Variants in POLR1C observed in about 807,000 individuals in gnomAD.
The protein encoded by POLR1C is DNA-directed RNA polymerases I and III subunit RPAC1.
Under a neutral mutation model 38.3 loss-of-function variants are expected in POLR1C, and 42 were observed. The ratio of observed to expected loss-of-function variants is 1.10; its 90% CI spans 0.86 to 1.42. The LOEUF (loss-of-function observed/expected upper bound fraction) is 1.42. Ranked by LOEUF, POLR1C falls within the 40% of genes most tolerant of loss-of-function variation. The probability of loss-of-function intolerance (pLI) is 0.00; values close to 1 mark genes in which losing one functional copy is unlikely to be tolerated. For synonymous variants in POLR1C, 163 were observed against 163.9 expected (o/e 0.99, Z 0.04); for missense variants, 507 against 450.5 (o/e 1.13, Z -1.14).
intron 10 of POLR1C, among the ~76,000 whole-genome samples, chr6:43,557,251 C>T (rs767980447): frequency 2.0e-5 from 3 of 151,754 alleles, no homozygotes; most frequent in Non-Finnish European, 4.4e-5. Context: ...ACAGTGAAAC[C>T]CTGTCTCTAC....
At chr6:43,549,653 A>C in intron 9 of POLR1C, 1 of 1,512,842 alleles carries the variant, frequency 6.6e-7, no homozygotes, top group South Asian at 1.2e-5. Flanking sequence ...TCATGTGAAT[A>C]TCTCAGTCAG....
chr6:43,522,106 C>T (rs1005554775), downstream of POLR1C, among the ~76,000 whole-genome samples: 1 of 152,038 alleles, frequency 6.6e-6, no homozygotes, highest in African/African-American at 2.4e-5. Flanking sequence ...TTCCTGTGGG[C>T]CAGGCCCAGC....
At chr6:43,525,954 CCT>C (rs778677940), downstream of POLR1C, 5 of 1,609,078 alleles carry the variant, frequency 3.1e-6, no homozygotes, top group Admixed American at 1.7e-5. Context: ...TAAGCTCCAT[CCT>C]TTCAGAACAG....
chr6:43,557,877 C>A (rs1259324081), intron 10 of POLR1C, among the ~76,000 whole-genome samples: 7 of 150,810 alleles, frequency 4.6e-5, no homozygotes, highest in East Asian at 1.9e-4. Flanking sequence ...GGGCAGATGA[C>A]CTGAGGTCGG....
At chr6:43,532,871 G>A (rs558783458), downstream of POLR1C, among the ~76,000 whole-genome samples, 8 of 152,234 alleles carry the variant, frequency 5.3e-5, no homozygotes, top group Non-Finnish European at 1.2e-4. Flanking sequence ...AAGGCCAGGC[G>A]TGGTGGCTCA....
At chr6:43,540,436 G>A (rs562992584) in intron 9 of POLR1C, among the ~76,000 whole-genome samples, 2 of 152,124 alleles carry the variant, frequency 1.3e-5, no homozygotes, top group African/African-American at 4.8e-5. Context: ...CCGAGATGGC[G>A]CCACTGCACT....
chr6:43,520,182 A>G lies in POLR1C; in HGVS notation c.499A>G (p.Lys167Glu). The change falls in exon 5 of 9, where the codon AAA (lysine) becomes GAA (glutamate). Residue 167 changes from lysine to glutamate, a missense_variant. Lys to Glu is a moderately conservative substitution (Grantham distance 56). Transcript: ENST00000642195. ...CCCCAACGAACTGTACGTGAACCAC[A>G]AAGGTGAGTAGTGGTAGGGTGAGGA... is the stretch of plus-strand genomic sequence containing the variant. ...SDPNELYVNHKVYTRHMTWIP... is the reference protein window; with the variant it reads ...SDPNELYVNHEVYTRHMTWIP... 1 of 1,614,202 alleles carries G rather than the reference A, an allele frequency of 6.2e-7. No homozygotes were observed. Among genetic ancestry groups the G allele is most frequent in the South Asian group, 1.1e-5 (1 of 91,084 alleles).
chr6:43,540,864 T>C (rs1452036354), intron 9 of POLR1C, among the ~76,000 whole-genome samples: 3 of 152,044 alleles, frequency 2.0e-5, no homozygotes, highest in Non-Finnish European at 2.9e-5. Context: ...TTTTAAAAAA[T>C]TGAGGCATAA....
downstream of POLR1C, among the ~76,000 whole-genome samples, chr6:43,530,422 C>CAA (rs780873253): frequency 5.4e-5 from 7 of 130,282 alleles, no homozygotes; most frequent in African/African-American, 1.7e-4. Flanking sequence ...AAGACTGTCT[C>CAA]AAAAAAAAAA....
rs765044240 is a variant in POLR1C at position 43,520,046 on chromosome 6, A to C, written c.383-20A>C. The C allele has an allele frequency of 4.3e-6, 7 of 1,613,908 alleles. No homozygotes were observed. Among genetic ancestry groups the C allele is most frequent in the Non-Finnish European group, 5.9e-6 (7 of 1,179,856 alleles). On this transcript the variant is annotated intron_variant, in intron 4 of 8. Transcript: ENST00000642195. ...ACTCAGACGTTTACTAGTTCTTAGG[A>C]GCTCCCTCCATTTGTGCAGGAGATG... is the stretch of plus-strand genomic sequence containing the variant.
downstream of POLR1C, chr6:43,523,787 G>A: frequency 1.2e-6 from 2 of 1,609,292 alleles, no homozygotes; most frequent in Non-Finnish European, 1.7e-6. Flanking sequence ...AGGTGGCAGT[G>A]CAAGAAGGGC....
downstream of POLR1C, chr6:43,533,430 G>C (rs1794126947): frequency 6.5e-6 from 1 of 152,832 alleles, no homozygotes; most frequent in Non-Finnish European, 1.5e-5. Flanking sequence ...AGATAATGAA[G>C]TAAATACACT....
chr6:43,532,678 G>A (rs140573682), downstream of POLR1C, among the ~76,000 whole-genome samples: 1 of 152,248 alleles, frequency 6.6e-6, no homozygotes, highest in Non-Finnish European at 1.5e-5. Context: ...CATCCTTCAA[G>A]TCCCCATTGG....
chr6:43,542,003 C>T (rs974033608), intron 9 of POLR1C, among the ~76,000 whole-genome samples: 1 of 152,160 alleles, frequency 6.6e-6, no homozygotes, highest in African/African-American at 2.4e-5. Flanking sequence ...TGGTCTTGAA[C>T]TCTTGACCTC....
downstream of POLR1C, chr6:43,524,633 G>A (rs1444747237): frequency 6.2e-7 from 1 of 1,613,798 alleles, no homozygotes; most frequent in Non-Finnish European, 8.5e-7. Flanking sequence ...GGTACCTGGG[G>A]CGCTGATATC....
At chr6:43,561,277 T>C in intron 10 of POLR1C, 1 of 373,510 alleles carries the variant, frequency 2.7e-6, no homozygotes, top group Non-Finnish European at 4.8e-6. Context: ...AACACTCATT[T>C]CAGAAATTAC....
intron 10 of POLR1C, among the ~76,000 whole-genome samples, chr6:43,557,779 G>A (rs1323965073): frequency 1.3e-5 from 1 of 78,690 alleles, no homozygotes; most frequent in African/African-American, 5.2e-5. Context: ...TCTCAATAAA[G>A]CTGTAAAAAA....
At chr6:43,537,258 C>G (rs936752273) in intron 9 of POLR1C, among the ~76,000 whole-genome samples, 1 of 152,042 alleles carries the variant, frequency 6.6e-6, no homozygotes, top group African/African-American at 2.4e-5. Flanking sequence ...AGGCATGAGC[C>G]ACTATTCCCA....
downstream of POLR1C, chr6:43,525,048 T>G: frequency 6.3e-7 from 1 of 1,578,844 alleles, no homozygotes; most frequent in Non-Finnish European, 8.6e-7. Flanking sequence ...AATGATTTAG[T>G]CAGTCTGCAT....
Sources: allele counts gnomAD v4.1 joint callset (sites outside exome capture counted in the v4.1 genomes callset), GRCh38; gene constraint gnomAD v4.1.1; transcripts MANE v1.5; gene names NCBI Gene and HGNC (gene_info 2026-07-23, HGNC 2026-07-21).